The following HELZ variants were observed in gnomAD, a reference collection of about 807,000 sequenced individuals.
HELZ encodes ATP-dependent RNA helicase with zinc finger domain.
Under a neutral mutation model 218.2 loss-of-function variants are expected in HELZ, and 23 were observed. That is an observed-to-expected ratio of 0.11 (90% confidence interval 0.08 to 0.15). HELZ has a LOEUF of 0.15. HELZ is among the 10% of genes least tolerant of loss of function. The pLI, the probability that HELZ is intolerant of heterozygous loss-of-function variation, is 1.00. For missense variants in HELZ, 1,813 were observed against 2,353.7 expected (o/e 0.77, Z 4.75); for synonymous variants, 814 against 829.4 (o/e 0.98, Z 0.32).
chr17:67,234,545 A>T (rs2041128554), intron 3 of HELZ, among the ~76,000 whole-genome samples: 1 of 151,868 alleles, frequency 6.6e-6, no homozygotes, highest in African/African-American at 2.4e-5. Context: ...CCTTACTCTA[A>T]CATTCAAGAA....
intron 21 of HELZ, among the ~76,000 whole-genome samples, chr17:67,138,665 T>G (rs1003142287): frequency 6.6e-6 from 1 of 152,160 alleles, no homozygotes; most frequent in Non-Finnish European, 1.5e-5. Context: ...TAGGCCACAT[T>G]TGGATCACAG....
In HELZ at chr17:67,086,994, G is replaced by A; in HGVS notation, c.5329C>T (p.Pro1777Ser). Residue 1777 changes from proline to serine, a missense_variant, in exon 32 of 33, where the codon CCT becomes TCT. Pro to Ser is a moderately conservative substitution (Grantham distance 74, BLOSUM62 -1). Coordinates refer to ENST00000358691, the MANE Select transcript of HELZ (RefSeq NM_014877.4). Reference sequence around the variant, plus strand: ...TTACACTGAGCCAGACTGTCTTGAGGAGTGCTTACTTCTTCAGAACAAGGT... The same window carrying A: ...TTACACTGAGCCAGACTGTCTTGAGAAGTGCTTACTTCTTCAGAACAAGGT... ...VQPCSEEVST[P>S]QDSLAQCKEL... The A allele has an allele frequency of 6.2e-7, 1 of 1,613,996 alleles. No homozygotes were observed. The highest frequency in any genetic ancestry group is 8.5e-7 in the Non-Finnish European group (1 of 1,180,006).
intron 28 of HELZ, among the ~76,000 whole-genome samples, chr17:67,110,491 A>T (rs2037248131): frequency 6.6e-6 from 1 of 152,232 alleles, no homozygotes; most frequent in Non-Finnish European, 1.5e-5. Context: ...CTTTGTATAT[A>T]ACTAGTTTGG....
At chr17:67,228,498 C>T (rs1309841709) in intron 3 of HELZ, among the ~76,000 whole-genome samples, 1 of 151,872 alleles carries the variant, frequency 6.6e-6, no homozygotes, top group South Asian at 2.1e-4. Flanking sequence ...CCCGCCTCTA[C>T]CAAAAATACA....
At chr17:67,195,590 CATT>C (rs1164955645) in intron 7 of HELZ, 120 bp from the exon 8 acceptor site, 2 of 596,494 alleles carry the variant, frequency 3.4e-6, no homozygotes, top group Non-Finnish European at 6.1e-6. Flanking sequence ...TTTTTAATAA[CATT>C]AATATGTTGC....
At chr17:67,125,659 C>G (rs2037771927) in intron 24 of HELZ, among the ~76,000 whole-genome samples, 1 of 152,050 alleles carries the variant, frequency 6.6e-6, no homozygotes, top group African/African-American at 2.4e-5. Context: ...GTGTGGCAGG[C>G]AGAATAGCCC....
chr17:67,194,779 C>T (rs1441554437), intron 8 of HELZ, among the ~76,000 whole-genome samples: 2 of 152,086 alleles, frequency 1.3e-5, no homozygotes, highest in Non-Finnish European at 2.9e-5. Context: ...CACTATGCCC[C>T]CCAGAAAAGG....
At chr17:67,152,182 T>C (rs752899511) in intron 17 of HELZ, among the ~76,000 whole-genome samples, 20 of 152,154 alleles carry the variant, frequency 1.3e-4, no homozygotes, top group Non-Finnish European at 4.4e-5. Context: ...GTTTGTAGTG[T>C]TTGCTGATTT....
intron 27 of HELZ, chr17:67,119,881 G>T (rs879042582): frequency 3.1e-5 from 12 of 384,616 alleles, no homozygotes; most frequent in South Asian, 2.3e-4. Flanking sequence ...TAAGTGGTAG[G>T]ATTTAACCTA....
chr17:67,108,422 G>A lies in HELZ; in HGVS notation c.4724+70C>T, dbSNP rs16960561. On this transcript the variant is annotated intron_variant, in intron 30 of 32. Transcript: ENST00000358691. This position sits in a 1 kb window ranked among gnomAD's most constrained non-coding sequence, Gnocchi z 4.1. ...GCAATATTCCAGCTTGAAGCTAAAAGGACTACAGTCAAAAAAGAGAACAGT... is the reference window on the plus strand; with the variant it reads ...GCAATATTCCAGCTTGAAGCTAAAAAGACTACAGTCAAAAAAGAGAACAGT... The A allele has an allele frequency of 8.6e-7, 1 of 1,164,368 alleles. No homozygotes were observed. The highest frequency in any genetic ancestry group is 1.3e-6 in the Non-Finnish European group (1 of 787,632). The allele number at this position is 1,164,368 out of a possible 1,614,324, so 72.1% of individuals were successfully genotyped here.
rs538090098 is a variant in HELZ at position 67,151,559 on chromosome 17, C to A, written c.2178-335G>T. Among the ~76,000 whole-genome samples, 3 of 152,244 alleles carry A rather than the reference C, an allele frequency of 2.0e-5. No individual in the cohort carries two copies. In the South Asian group the frequency reaches 6.2e-4, roughly 32 times the overall value. On this transcript the variant is annotated intron_variant, in intron 17 of 32. Coordinates refer to ENST00000358691, the MANE Select transcript of HELZ (RefSeq NM_014877.4). ...TACAATTTTTTAAGTTCAAAACATT[C>A]CCATTCTGGAATTATCTTTTTCTAG... is the stretch of plus-strand genomic sequence containing the variant.
chr17:67,172,305 A>G (rs928345305), intron 13 of HELZ, among the ~76,000 whole-genome samples: 3 of 152,178 alleles, frequency 2.0e-5, no homozygotes, highest in African/African-American at 7.2e-5. Flanking sequence ...TGCAGTGCTG[A>G]GCACATTTTA....
At chr17:67,244,304 A>T (rs1053674512) in intron 1 of HELZ, among the ~76,000 whole-genome samples, 2 of 152,180 alleles carry the variant, frequency 1.3e-5, no homozygotes, top group Admixed American at 6.5e-5. Context: ...AGAAGGAATG[A>T]CAATTTTTGA....
At chr17:67,104,682 C>T (rs1292993307) in intron 31 of HELZ, among the ~76,000 whole-genome samples, 1 of 151,900 alleles carries the variant, frequency 6.6e-6, no homozygotes, top group East Asian at 1.9e-4. Flanking sequence ...TTAAAAAAAA[C>T]CTCTTATAAC....
At chr17:67,179,646 CAT>C (rs1369544848) in intron 12 of HELZ, 1 of 152,010 alleles carries the variant, frequency 6.6e-6, no homozygotes, top group East Asian at 1.9e-4. Context: ...TCCATAGTAA[CAT>C]AAACTCTGAG....
At chr17:67,183,343 G>C (rs2039663614) in intron 12 of HELZ, among the ~76,000 whole-genome samples, 1 of 152,146 alleles carries the variant, frequency 6.6e-6, no homozygotes, top group Non-Finnish European at 1.5e-5. Flanking sequence ...AGCAGAGTAA[G>C]AGCATTAAGA....
At chr17:67,224,842 C>A (rs2143371063) in intron 3 of HELZ, 2 of 984,958 alleles carry the variant, frequency 2.0e-6, no homozygotes, top group East Asian at 2.9e-5. Flanking sequence ...GGGAAAGCAG[C>A]GTTATGACAT....
At chr17:67,146,390 T>C (rs1283168328) in intron 20 of HELZ, among the ~76,000 whole-genome samples, 2 of 152,246 alleles carry the variant, frequency 1.3e-5, no homozygotes, top group African/African-American at 2.4e-5. Flanking sequence ...TACAGTAGCA[T>C]GCTTTGTACA....
intron 21 of HELZ, among the ~76,000 whole-genome samples, chr17:67,139,738 C>G (rs1325768291): frequency 6.6e-6 from 1 of 152,188 alleles, no homozygotes; most frequent in Non-Finnish European, 1.5e-5. Flanking sequence ...CTATGGACTG[C>G]CCCCTTTCCC....
Sources: allele counts gnomAD v4.1 joint callset (sites outside exome capture counted in the v4.1 genomes callset), GRCh38; gene constraint gnomAD v4.1.1; non-coding constraint Gnocchi (gnomAD v3.1); transcripts MANE v1.5; gene names NCBI Gene and HGNC (gene_info 2026-07-23, HGNC 2026-07-21).